RNF103: variants seen among roughly 807,000 people sequenced by gnomAD.
RNF103 encodes the protein E3 ubiquitin-protein ligase RNF103.
RNF103 carries 23 observed loss-of-function variants against 66.2 expected under a neutral mutation model. The ratio of observed to expected loss-of-function variants is 0.35; its 90% CI spans 0.25 to 0.49. The LOEUF is 0.49. RNF103 is among the 20% of genes least tolerant of loss of function. The pLI is 0.98. For synonymous variants in RNF103, 297 were observed against 289.9 expected, an observed-to-expected ratio of 1.02 and a Z score of -0.25; for missense variants, 730 against 814.7, an observed-to-expected ratio of 0.90 and a Z score of 1.27.
intron 1 of RNF103, among the ~76,000 whole-genome samples, chr2:86,622,207 CTGATAG>C (rs1679253762): frequency 6.6e-6 from 1 of 152,222 alleles, no homozygotes; most frequent in South Asian, 2.1e-4. Context: ...CCAAGTGCCT[CTGATAG>C]TAAGTATTCC....
chr2:86,617,015 G>T (rs1361155960), intron 2 of RNF103: 2 of 985,210 alleles, frequency 2.0e-6, no homozygotes, highest in African/African-American at 1.7e-5. Flanking sequence ...GCTAATGAAA[G>T]ATATGAGCTT....
intron 3 of RNF103, among the ~76,000 whole-genome samples, chr2:86,607,080 C>T (rs1678597888): frequency 6.6e-6 from 1 of 151,570 alleles, no homozygotes. Flanking sequence ...TTTTTTTTTC[C>T]AAAACCTACC....
chr2:86,606,662 CAAAAA>C (rs200897796), intron 3 of RNF103, among the ~76,000 whole-genome samples: 1 of 97,418 alleles, frequency 1.0e-5, no homozygotes, highest in Non-Finnish European at 2.0e-5. Flanking sequence ...AACTTCGTCT[CAAAAA>C]AAAAAAAAAA....
intron 2 of RNF103, chr2:86,618,898 C>T (rs113277237): frequency 1.2e-3 from 186 of 152,302 alleles, no homozygotes; most frequent in Middle Eastern, 6.8e-3. Flanking sequence ...CAGAAATAAA[C>T]TAAAATTTAA....
chr2:86,616,413 G>A (rs1679021561), intron 2 of RNF103: 1 of 815,370 alleles, frequency 1.2e-6, no homozygotes, highest in African/African-American at 1.9e-5. Flanking sequence ...GTAAGGACAA[G>A]TGATTGACAA....
rs191197957 is a variant in RNF103, at chr2:86,619,762, T to C, written c.366+568A>G. Among the ~76,000 whole-genome samples, 51 of 152,338 alleles carry C rather than the reference T, an allele frequency of 3.3e-4. No homozygotes were observed. In the East Asian group the frequency reaches 8.1e-3, roughly 24 times the overall value. ...CCATCATAGCTCTAAAATTCTAATA[T>C]GCTAATTAAGTCTCACAGTTTTGCT... is the stretch of plus-strand genomic sequence containing the variant. On this transcript the variant is annotated intron_variant, in intron 2 of 3. Coordinates refer to ENST00000237455, the MANE Select transcript of RNF103 (RefSeq NM_005667.4).
At chr2:86,607,766 G>A (rs1427853477) in intron 3 of RNF103, among the ~76,000 whole-genome samples, 1 of 152,140 alleles carries the variant, frequency 6.6e-6, no homozygotes, top group Non-Finnish European at 1.5e-5. Flanking sequence ...TATTTGTGAT[G>A]ACACATTTCA....
At position 86,612,267 on chromosome 2, in the gene RNF103, G is replaced by A. The variant is rs374346893; in HGVS notation, c.374C>T (p.Ala125Val). ...KDGIWLVQVI[A>V]NDRSPLVGKI... Reference sequence around the variant, plus strand: ...GCCCACCAAGGGACTTCTGTCATTTGCTATGACCTATTCCCAAAAATAGAG... The same window carrying A: ...GCCCACCAAGGGACTTCTGTCATTTACTATGACCTATTCCCAAAAATAGAG... The change falls in exon 3 of 4, where the codon GCA becomes GTA. Residue 125 changes from alanine to valine, a missense_variant. Around this residue, in one of 3 missense-constraint regions of RNF103, gnomAD observed 327 missense variants for 369.8 expected, o/e 0.88. Coordinates refer to ENST00000237455, the MANE Select transcript of RNF103 (RefSeq NM_005667.4). 1.2e-6 allele frequency: 2 copies of A among 1,603,344 alleles called. No homozygotes were observed. The highest frequency in any genetic ancestry group is 1.3e-5 in the African/African-American group (1 of 74,596).
intron 3 of RNF103, among the ~76,000 whole-genome samples, chr2:86,611,124 G>A (rs1678776751): frequency 6.6e-6 from 1 of 150,722 alleles, no homozygotes; most frequent in South Asian, 2.1e-4. Context: ...AGGTTGCAGT[G>A]AGCTATGATC....
At chr2:86,612,358 C>A in intron 2 of RNF103, 84 bp from the exon 3 acceptor site, 2 of 725,836 alleles carry the variant, frequency 2.8e-6, no homozygotes, top group Non-Finnish European at 2.4e-6. Context: ...TATAATTTCA[C>A]TTAAAAAAAA....
In RNF103 at chr2:86,622,778, G is replaced by A; in HGVS notation, c.109C>T (p.Leu37=). The A allele has an allele frequency of 1.2e-6, 2 of 1,614,214 alleles. No individual in the cohort carries two copies. Among genetic ancestry groups the A allele is most frequent in the East Asian group, 2.2e-5 (1 of 44,888 alleles). ...WYETGIFATQ[L]VDPVALSFKK... is the part of the protein sequence containing the mutation. The stretch of plus-strand genomic sequence containing the variant: ...AAGCTCAGCGCCACCGGATCCACCA[G>A]CTGGGTGGCAAAGATGCCAGTTTCA... The change falls in exon 1 of 4, where the codon CTG becomes TTG. Residue 37 remains leucine, a synonymous_variant. Coordinates refer to ENST00000237455, the MANE Select transcript of RNF103 (RefSeq NM_005667.4).
intron 1 of RNF103, among the ~76,000 whole-genome samples, chr2:86,621,203 T>C (rs1194662564): frequency 6.6e-6 from 1 of 152,194 alleles, no homozygotes; most frequent in Non-Finnish European, 1.5e-5. Context: ...AACGTGTGAT[T>C]TGAGTCATAC....
At chr2:86,613,893 C>A (rs2104238501) in intron 2 of RNF103, 1 of 152,226 alleles carries the variant, frequency 6.6e-6, no homozygotes, top group South Asian at 2.1e-4. Flanking sequence ...TTAATGAATA[C>A]ATATACACAA....
Position 86,620,378 on chromosome 2 carries a change from G to A in RNF103, c.318C>T (p.His106=), listed in dbSNP as rs753940152. 3.4e-5 allele frequency: 55 copies of A among 1,608,440 alleles called. No homozygotes were observed. Among genetic ancestry groups the A allele is most frequent in the Non-Finnish European group, 4.6e-5 (54 of 1,175,886 alleles). ...VSSTNFSGEM[H]FYELVEDTKD... The stretch of plus-strand genomic sequence containing the variant: ...TTGTGTCTTCCACAAGCTCATAGAA[G>A]TGCATTTCACCACTGAAATTGGTAC... The change falls in exon 2 of 4, where the codon CAC becomes CAT. Residue 106 remains histidine, a synonymous_variant. Transcript: ENST00000237455.
At position 86,604,915 on chromosome 2, in the gene RNF103, AAAAC is replaced by A; in HGVS notation, c.982_985del (p.Val328Ter). ...CATAAGATTAACTAGAACCAAGCTC[AAAAC>A]AAACAGATCATTTACCTCGGGTTGT... On this transcript the variant is annotated frameshift_variant, in exon 4 of 4. Transcript: ENST00000237455. LOFTEE classifies it high-confidence loss of function. The A allele has an allele frequency of 1.2e-6, 2 of 1,614,120 alleles. No homozygotes were observed. Among genetic ancestry groups the A allele is most frequent in the East Asian group, 2.2e-5 (1 of 44,876 alleles).
chr2:86,620,259 GTACA>G, intron 2 of RNF103, 67 bp downstream of exon 2: 2 of 1,487,444 alleles, frequency 1.3e-6, no homozygotes, highest in Non-Finnish European at 1.8e-6. Flanking sequence ...TCACTGGCTG[GTACA>G]TACTATTTTG....
intron 3 of RNF103, among the ~76,000 whole-genome samples, chr2:86,611,773 G>C (rs1678802799): frequency 6.6e-6 from 1 of 152,168 alleles, no homozygotes; most frequent in Admixed American, 6.5e-5. Flanking sequence ...ATGCAAACTA[G>C]AGGTCAGAAT....
chr2:86,607,047 T>C (rs1678596050), intron 3 of RNF103, among the ~76,000 whole-genome samples: 1 of 152,206 alleles, frequency 6.6e-6, no homozygotes, highest in Non-Finnish European at 1.5e-5. Context: ...ACAGAAGAGT[T>C]AATCTTTTGT....
chr2:86,620,544 T>C, intron 1 of RNF103, 75 bp from the exon 2 acceptor site: 5 of 1,424,704 alleles, frequency 3.5e-6, no homozygotes, highest in East Asian at 2.4e-5. Context: ...TTCTATTTTT[T>C]ACACTGTTAA....
Sources: gnomAD v4.1 joint callset for allele counts (sites outside exome capture counted in the v4.1 genomes callset) on GRCh38, gnomAD v4.1.1 for gene constraint, gnomAD v4.1.1 regional missense constraint, MANE v1.5 for transcripts, NCBI Gene and HGNC (gene_info 2026-07-23, HGNC 2026-07-21) for gene names.